PCDH15: variants seen among roughly 807,000 people sequenced by gnomAD.
PCDH15 encodes protocadherin related 15, also known as protocadherin-15.
In PCDH15, 129 loss-of-function variants were observed where a neutral mutation model predicts 178.5. The observed-to-expected ratio is 0.72, with a 90% CI of 0.63 to 0.84. PCDH15 has a LOEUF of 0.84. PCDH15 is among the 40% of genes least tolerant of loss of function. The pLI is 0.00. For missense variants in PCDH15, 2,230 were observed against 2,099.9 expected, an observed-to-expected ratio of 1.06 and a Z score of -1.21; for synonymous variants, 800 against 732.0, an observed-to-expected ratio of 1.09 and a Z score of -1.50.
intron 30 of PCDH15, among the ~76,000 whole-genome samples, chr10:53,829,217 AT>A (rs1301130045): frequency 1.7e-4 from 26 of 152,180 alleles, no homozygotes; most frequent in African/African-American, 6.0e-4. Context: ...AGAAAAACTC[AT>A]TTTGTTTAAT....
At chr10:55,601,729 T>C (rs751623666) in intron 2 of PCDH15, among the ~76,000 whole-genome samples, 10 of 152,126 alleles carry the variant, frequency 6.6e-5, no homozygotes, top group Non-Finnish European at 1.0e-4. Flanking sequence ...AAGAATTTCA[T>C]GTAAGAAAAA....
chr10:54,656,700 C>T (rs982713820), intron 2 of PCDH15, among the ~76,000 whole-genome samples: 22 of 152,274 alleles, frequency 1.4e-4, no homozygotes, highest in Admixed American at 1.4e-3. Context: ...AACTGTGGAT[C>T]CCTGGTAATC....
intron 5 of PCDH15, among the ~76,000 whole-genome samples, chr10:54,351,008 G>A (rs1208042334): frequency 6.6e-6 from 1 of 152,076 alleles, no homozygotes; most frequent in Non-Finnish European, 1.5e-5. Flanking sequence ...GGAGGCTGAG[G>A]CAGGAGAATC....
At chr10:54,539,681 C>G (rs1384212767) in intron 2 of PCDH15, among the ~76,000 whole-genome samples, 1 of 152,102 alleles carries the variant, frequency 6.6e-6, no homozygotes, top group African/African-American at 2.4e-5. Flanking sequence ...ATATACATTC[C>G]TCTCATCTGC....
At chr10:55,248,124 T>C (rs974021020) in intron 1 of PCDH15, among the ~76,000 whole-genome samples, 5 of 151,738 alleles carry the variant, frequency 3.3e-5, no homozygotes, top group Non-Finnish European at 5.9e-5. Context: ...GGGGCTTTCT[T>C]AATCTTTTCA....
chr10:55,423,160 T>G (rs1205207820), intron 2 of PCDH15, among the ~76,000 whole-genome samples: 1 of 151,964 alleles, frequency 6.6e-6, no homozygotes, highest in East Asian at 1.9e-4. Context: ...TGTAAATTAT[T>G]TAATGATTAA....
At chr10:55,471,692 T>C (rs184833849) in intron 2 of PCDH15, among the ~76,000 whole-genome samples, 77 of 152,310 alleles carry the variant, frequency 5.1e-4, no homozygotes, top group African/African-American at 1.7e-3. Flanking sequence ...AAACAGATTA[T>C]TTTTTCCAAA....
chr10:53,857,572 T>TC (rs1173559489), intron 27 of PCDH15, among the ~76,000 whole-genome samples: 1 of 151,910 alleles, frequency 6.6e-6, no homozygotes, highest in African/African-American at 2.4e-5. Flanking sequence ...GGGTGGCATT[T>TC]TTTTTTAATT....
chr10:54,247,935 A>AATATATATATATATAT (rs147562225), intron 8 of PCDH15, among the ~76,000 whole-genome samples: 6 of 139,404 alleles, frequency 4.3e-5, no homozygotes, highest in African/African-American at 1.6e-4. Flanking sequence ...TGCATGAAAG[A>AATATATATATATATAT]ATATATATAT....
At chr10:54,024,298 A>T (rs1164822307) in intron 18 of PCDH15, among the ~76,000 whole-genome samples, 1 of 152,140 alleles carries the variant, frequency 6.6e-6, no homozygotes, top group East Asian at 1.9e-4. Flanking sequence ...AAACTGTAAA[A>T]TATTATATAA....
At chr10:54,553,914 T>A (rs1203575915) in intron 2 of PCDH15, among the ~76,000 whole-genome samples, 1 of 152,216 alleles carries the variant, frequency 6.6e-6, no homozygotes, top group African/African-American at 2.4e-5. Context: ...ACTAAGTGTA[T>A]GCCTTCTGTA....
rs75443986 is a variant in PCDH15 at position 54,468,715 on chromosome 10, A to G, written c.157+59097T>C. 0.096 allele frequency among the ~76,000 whole-genome samples: 14,566 copies of G among 152,250 alleles called. 893 individuals carry two copies. Among genetic ancestry groups the G allele is most frequent in the East Asian group, 0.28 (1,433 of 5,166 alleles). On this transcript the variant is annotated intron_variant, in intron 3 of 37. Coordinates refer to ENST00000644397, the MANE Select transcript of PCDH15 (RefSeq NM_001384140.1). Reference sequence around the variant, plus strand: ...TGTTTCTTTTTTGATGTTTTTGTCAAGATGATCTGTCCAATGCTGACAATG... The same window carrying G: ...TGTTTCTTTTTTGATGTTTTTGTCAGGATGATCTGTCCAATGCTGACAATG...
chr10:54,057,669 A>G (rs2093925444), intron 18 of PCDH15, among the ~76,000 whole-genome samples: 1 of 151,766 alleles, frequency 6.6e-6, no homozygotes, highest in Admixed American at 6.6e-5. Context: ...CATTTCCCCC[A>G]TTGTCTTGGT....
chr10:54,026,335 G>T (rs1019969296), intron 18 of PCDH15, among the ~76,000 whole-genome samples: 2 of 152,082 alleles, frequency 1.3e-5, no homozygotes, highest in Non-Finnish European at 2.9e-5. Context: ...TTCTCAAAGT[G>T]CTGAGATTAC....
Position 53,822,650 on chromosome 10 carries a change from A to G in PCDH15, c.4368-2420T>C, listed in dbSNP as rs780860319. 4 of 1,614,116 alleles carry G rather than the reference A, an allele frequency of 2.5e-6. No homozygotes were observed. The African/African-American group carries it at 4.0e-5, about 16-fold the overall frequency. On this transcript the variant is annotated intron_variant, in intron 32 of 37. Coordinates refer to ENST00000644397, the MANE Select transcript of PCDH15 (RefSeq NM_001384140.1). ...AAAGTTCCAAGGAACACTCAGCAGG[A>G]GAACTGATGACATTAGGTTCTGATT...
intron 2 of PCDH15, among the ~76,000 whole-genome samples, chr10:55,438,098 G>A (rs996821023): frequency 4.6e-5 from 7 of 151,828 alleles, no homozygotes; most frequent in Non-Finnish European, 7.4e-5. Flanking sequence ...GCCTCCCAAA[G>A]TGCTGGGAGT....
intron 2 of PCDH15, among the ~76,000 whole-genome samples, chr10:55,086,382 T>A (rs1397920038): frequency 2.0e-5 from 3 of 152,052 alleles, no homozygotes; most frequent in Non-Finnish European, 2.9e-5. Flanking sequence ...CAGTAAAAAG[T>A]GATAAACAAA....
chr10:54,729,607 T>G (rs908742152), intron 1 of PCDH15, among the ~76,000 whole-genome samples: 7 of 151,618 alleles, frequency 4.6e-5, no homozygotes, highest in Non-Finnish European at 8.9e-5. Context: ...ATCAACAGTG[T>G]AAATAGAGAA....
At chr10:55,164,885 G>A (rs1839156982) in intron 2 of PCDH15, among the ~76,000 whole-genome samples, 1 of 152,128 alleles carries the variant, frequency 6.6e-6, no homozygotes, top group East Asian at 1.9e-4. Context: ...ATCCTTCAAG[G>A]AATTTCTTAC....
Sources: gnomAD v4.1 joint callset for allele counts (sites outside exome capture counted in the v4.1 genomes callset) on GRCh38, gnomAD v4.1.1 for gene constraint, MANE v1.5 for transcripts, NCBI Gene and HGNC (gene_info 2026-07-23, HGNC 2026-07-21) for gene names.